SLC25A12: variants seen among roughly 807,000 people sequenced by gnomAD.
SLC25A12 encodes the protein solute carrier family 25 member 12.
SLC25A12 carries 32 observed loss-of-function variants against 83.3 expected under a neutral mutation model. That is an observed-to-expected ratio of 0.38 (90% CI 0.29 to 0.52). The LOEUF is 0.52. Among genes scored for constraint, SLC25A12 ranks in the 20% least tolerant of loss-of-function variants. The probability of loss-of-function intolerance (pLI) is 0.84; values close to 1 mark genes in which losing one functional copy is unlikely to be tolerated. For missense variants in SLC25A12, 611 were observed against 835.6 expected (o/e 0.73, Z 3.31); for synonymous variants, 267 against 291.1 (o/e 0.92, Z 0.84).
intron 11 of SLC25A12, among the ~76,000 whole-genome samples, chr2:171,810,625 A>G (rs1683928600): frequency 6.6e-6 from 1 of 152,196 alleles, no homozygotes. Flanking sequence ...TCCCTCCCTT[A>G]TTACAACCAA....
chr2:171,860,745 G>A (rs1037358263), intron 3 of SLC25A12, among the ~76,000 whole-genome samples: 2 of 152,006 alleles, frequency 1.3e-5, no homozygotes, highest in Admixed American at 1.3e-4. Flanking sequence ...GAAGGATAGA[G>A]GGATGGATGG....
chr2:171,826,336 G>A (rs1684299567), intron 9 of SLC25A12, among the ~76,000 whole-genome samples: 1 of 152,198 alleles, frequency 6.6e-6, no homozygotes, highest in Non-Finnish European at 1.5e-5. Context: ...GGCTGGGTGT[G>A]GTGGCTCATG....
chr2:171,888,738 C>T (rs577529628), intron 2 of SLC25A12, among the ~76,000 whole-genome samples: 5 of 152,204 alleles, frequency 3.3e-5, no homozygotes, highest in East Asian at 1.9e-4. Flanking sequence ...CCACCACACC[C>T]GGCCATTTTA....
chr2:171,803,133 A>T (rs1217313102), intron 13 of SLC25A12, among the ~76,000 whole-genome samples: 1 of 152,064 alleles, frequency 6.6e-6, no homozygotes, highest in African/African-American at 2.4e-5. Flanking sequence ...AAAAAAAAAA[A>T]ACCTAAAAAA....
intron 15 of SLC25A12, among the ~76,000 whole-genome samples, chr2:171,790,106 C>G (rs1683411084): frequency 6.6e-6 from 1 of 152,188 alleles, no homozygotes; most frequent in Non-Finnish European, 1.5e-5. Context: ...TCCCTGTCTT[C>G]ACGAGCAAGA....
chr2:171,890,722 A>G (rs1685913960), intron 2 of SLC25A12, among the ~76,000 whole-genome samples: 1 of 152,098 alleles, frequency 6.6e-6, no homozygotes, highest in Non-Finnish European at 1.5e-5. Context: ...GGCTCAAGTG[A>G]TCCTCTAGCC....
At chr2:171,812,757 G>A (rs1683972999) in intron 11 of SLC25A12, among the ~76,000 whole-genome samples, 1 of 151,662 alleles carries the variant, frequency 6.6e-6, no homozygotes, top group Non-Finnish European at 1.5e-5. Flanking sequence ...GAGCTAAGTG[G>A]GGGAAAGAAG....
chr2:171,801,422 T>C (rs942456513), intron 13 of SLC25A12, among the ~76,000 whole-genome samples: 11 of 152,166 alleles, frequency 7.2e-5, no homozygotes, highest in Admixed American at 2.6e-4. Context: ...AAATTCTAGG[T>C]TGACATTAAG....
chr2:171,865,014 C>A (rs1685255291), intron 3 of SLC25A12, among the ~76,000 whole-genome samples: 1 of 152,142 alleles, frequency 6.6e-6, no homozygotes, highest in Non-Finnish European at 1.5e-5. Context: ...ATATCACTCC[C>A]TAAACTCTCC....
Position 171,785,286 on chromosome 2 carries a change from T to C in SLC25A12, c.2025A>G (p.Ala675=). ...VAVVQPKAAV[A]ATQ ...AACAGTTGTCTCATCACTGAGTGGCTGCCACTGCTGCCTTTGGCTGAACCA... is the reference window on the plus strand; with the variant it reads ...AACAGTTGTCTCATCACTGAGTGGCCGCCACTGCTGCCTTTGGCTGAACCA... The change falls in exon 18 of 18, where the codon GCA becomes GCG. Residue 675 remains alanine (A), a synonymous_variant. Transcript: ENST00000422440. 1 of 1,614,162 alleles carries C rather than the reference T, an allele frequency of 6.2e-7. No homozygotes were observed. The highest frequency in any genetic ancestry group is 8.5e-7 in the Non-Finnish European group (1 of 1,180,020).
intron 5 of SLC25A12, among the ~76,000 whole-genome samples, chr2:171,841,377 G>A (rs1171293091): frequency 6.6e-6 from 1 of 151,742 alleles, no homozygotes; most frequent in Non-Finnish European, 1.5e-5. Context: ...AAAACACCCA[G>A]ACTGTTTGTT....
At chr2:171,816,503 T>A (rs1018048419) in intron 9 of SLC25A12, among the ~76,000 whole-genome samples, 3 of 152,210 alleles carry the variant, frequency 2.0e-5, no homozygotes, top group Non-Finnish European at 4.4e-5. Flanking sequence ...TTACTTCTAA[T>A]ACCTAATATA....
At chr2:171,873,427 G>A (rs191133494) in intron 2 of SLC25A12, among the ~76,000 whole-genome samples, 152 of 152,154 alleles carry the variant, frequency 1.0e-3, no homozygotes, top group Admixed American at 1.6e-3. Flanking sequence ...CAGCCTGTGC[G>A]ACAGAGCAAG....
At chr2:171,893,629 T>G (rs1321134790) in intron 1 of SLC25A12, among the ~76,000 whole-genome samples, 2 of 152,128 alleles carry the variant, frequency 1.3e-5, no homozygotes, top group Non-Finnish European at 2.9e-5. Flanking sequence ...TCACCCAAAT[T>G]AATCACTTGG....
intron 14 of SLC25A12, 97 bp downstream of exon 14, chr2:171,793,530 C>G (rs1683532849): frequency 1.2e-5 from 15 of 1,275,266 alleles, no homozygotes; most frequent in Non-Finnish European, 1.7e-5. Flanking sequence ...ACAGACTACC[C>G]TGCTGGACAA....
At chr2:171,804,190 C>T (rs1180076688) in intron 13 of SLC25A12, among the ~76,000 whole-genome samples, 1 of 152,192 alleles carries the variant, frequency 6.6e-6, no homozygotes, top group South Asian at 2.1e-4. Context: ...ACCTTGAAAA[C>T]ACGCTAAGTG....
intron 9 of SLC25A12, among the ~76,000 whole-genome samples, chr2:171,817,626 T>C (rs1004142310): frequency 1.1e-5 from 1 of 87,374 alleles, no homozygotes; most frequent in African/African-American, 3.8e-5. Flanking sequence ...AAAAAAAATG[T>C]ATGTAGAATG....
At chr2:171,829,389 C>T (rs1035463470) in intron 8 of SLC25A12, among the ~76,000 whole-genome samples, 8 of 152,086 alleles carry the variant, frequency 5.3e-5, no homozygotes, top group African/African-American at 1.4e-4. Context: ...AAGGCAGAAC[C>T]GGATATTGTG....
intron 3 of SLC25A12, among the ~76,000 whole-genome samples, chr2:171,857,117 G>A (rs1453059378): frequency 6.6e-6 from 1 of 152,200 alleles, no homozygotes; most frequent in South Asian, 2.1e-4. Context: ...TGTAATCCCA[G>A]CACTTTGGGA....
Sources: allele counts gnomAD v4.1 joint callset (sites outside exome capture counted in the v4.1 genomes callset), GRCh38; gene constraint gnomAD v4.1.1; transcripts MANE v1.5; gene names NCBI Gene and HGNC (gene_info 2026-07-23, HGNC 2026-07-21).